The following SPTBN5 variants were observed in gnomAD, a reference collection of about 807,000 sequenced individuals.
The protein encoded by SPTBN5 is spectrin beta, non-erythrocytic 5.
In SPTBN5, 513 loss-of-function variants were observed where a neutral mutation model predicts 477.6. The ratio of observed to expected loss-of-function variants is 1.07; its 90% CI spans 1.00 to 1.16. SPTBN5 has a LOEUF of 1.16. Ranked by LOEUF, SPTBN5 falls within the 50% of genes most tolerant of loss-of-function variation. The pLI, the probability that SPTBN5 is intolerant of heterozygous loss-of-function variation, is 0.00. For missense variants in SPTBN5, 5,062 were observed against 4,731.8 expected (o/e 1.07, Z -2.05); for synonymous variants, 2,169 against 2,011.7 (o/e 1.08, Z -2.09).
In SPTBN5 at chr15:41,870,871, C is replaced by A. The variant is rs111832578; in HGVS notation, c.5448-311G>T. On this transcript the variant is annotated intron_variant, in intron 29 of 67. Coordinates refer to ENST00000320955, the MANE Select transcript of SPTBN5 (RefSeq NM_016642.4). ...GCGTCACCCAGGTTATGATCACAGA[C>A]GCTTTGTGGGCAGAGGCCACATCTC... 1.8e-3 allele frequency among the ~76,000 whole-genome samples: 276 copies of A among 152,368 alleles called. 1 individual carries two copies. The highest frequency in any genetic ancestry group is 6.3e-3 in the African/African-American group (262 of 41,596).
chr15:41,874,658 C>T (rs1296804028), intron 23 of SPTBN5, among the ~76,000 whole-genome samples, 180 bp from the exon 24 acceptor site: 2 of 152,210 alleles, frequency 1.3e-5, no homozygotes, highest in Admixed American at 6.5e-5. Flanking sequence ...CTAGATGACT[C>T]GCGTGACTGC....
intron 23 of SPTBN5, 26 bp downstream of exon 23, chr15:41,874,816 C>A (rs1425541127): frequency 3.8e-6 from 6 of 1,586,644 alleles, no homozygotes; most frequent in Non-Finnish European, 5.2e-6. Flanking sequence ...GAGTGACACA[C>A]AGGTGGGTGG....
At chr15:41,879,062 C>T (rs551227290) in intron 16 of SPTBN5, among the ~76,000 whole-genome samples, 198 bp downstream of exon 16, 2 of 152,132 alleles carry the variant, frequency 1.3e-5, no homozygotes, top group African/African-American at 4.8e-5. Context: ...AAGACTCCGT[C>T]TCAAAAAGAA....
Position 41,858,921 on chromosome 15 carries a change from T to G in SPTBN5, c.8048A>C (p.Gln2683Pro). ...TRRHRLEELR[Q>P]LQAFLQDSQE... ...GGAGTCCTGCAGGAAGGCCTGCAGC[T>G]GCCGGAGCTCCTCCAGGCGATGGCG... Residue 2683 changes from glutamine to proline, a missense_variant, in exon 48 of 68, where the codon CAG (glutamine) becomes CCG (proline). Coordinates refer to ENST00000320955, the MANE Select transcript of SPTBN5 (RefSeq NM_016642.4). 1 of 1,595,136 alleles carries G rather than the reference T, an allele frequency of 6.3e-7. No homozygotes were observed. Among genetic ancestry groups the G allele is most frequent in the South Asian group, 1.1e-5 (1 of 89,390 alleles).
intron 67 of SPTBN5, among the ~76,000 whole-genome samples, chr15:41,849,404 C>G (rs1406286076): frequency 6.6e-6 from 1 of 152,148 alleles, no homozygotes; most frequent in East Asian, 1.9e-4. Context: ...AGGGGAGGAC[C>G]AGGTAGAGAA....
intron 34 of SPTBN5, 38 bp from the exon 35 acceptor site, chr15:41,867,680 C>T (rs752801298): frequency 7.6e-6 from 12 of 1,583,666 alleles, no homozygotes; most frequent in South Asian, 3.3e-5. Context: ...CCAAGCCTTC[C>T]AGCCAGCCAG....
rs1251940629 is a variant in SPTBN5 at position 41,858,658 on chromosome 15, G to A, written c.8170C>T (p.Gln2724Ter). ...GCGTCCAGCTCCGCCTGGAAATTCT[G>A]CTGCTTCTGTAACTGTGCTGGCAGC... ...AMLPAQLQKQ[Q>*]NFQAELDASM... Residue 2724 changes from glutamine (Q) to a stop codon, truncating the protein, a stop_gained, in exon 49 of 68, where the codon CAG becomes TAG. Transcript: ENST00000320955. LOFTEE classifies it high-confidence loss of function. 6.2e-7 allele frequency: 1 copy of A among 1,611,490 alleles called. No individual in the cohort carries two copies. The highest frequency in any genetic ancestry group is 8.5e-7 in the Non-Finnish European group (1 of 1,179,434).
intron 11 of SPTBN5, 44 bp downstream of exon 11, chr15:41,882,224 CT>C: frequency 4.7e-6 from 6 of 1,285,996 alleles, no homozygotes; most frequent in Middle Eastern, 2.8e-4. Flanking sequence ...CCACCCCCGC[CT>C]CGCCGGGCCC....
At chr15:41,860,850 G>A in intron 46 of SPTBN5, 92 bp from the exon 47 acceptor site, 1 of 1,267,714 alleles carries the variant, frequency 7.9e-7, no homozygotes, top group Non-Finnish European at 1.0e-6. Flanking sequence ...CCTACCAAAT[G>A]CTCATCCACA....
chr15:41,854,028 G>A (rs538028936), intron 57 of SPTBN5, 22 bp downstream of exon 57: 24 of 1,542,742 alleles, frequency 1.6e-5, no homozygotes, highest in Non-Finnish European at 2.0e-5. Context: ...CAGACAGGCA[G>A]GCTGCAGGGC....
At chr15:41,853,994 A>T (rs746866341) in intron 57 of SPTBN5, 56 bp downstream of exon 57, 8 of 1,512,980 alleles carry the variant, frequency 5.3e-6, no homozygotes, top group South Asian at 4.9e-5. Context: ...AGGTCCCCTC[A>T]GCCACCGCCT....
At position 41,852,304 on chromosome 15, in the gene SPTBN5, G is replaced by A; in HGVS notation, c.10462C>T (p.Leu3488Phe). 6.3e-7 allele frequency: 1 copy of A among 1,590,050 alleles called. No homozygotes were observed. Among genetic ancestry groups the A allele is most frequent in the Non-Finnish European group, 8.6e-7 (1 of 1,167,938 alleles). ...TTCAGCTCCTGTGGCTGCAGCAGGA[G>A]CTCCTGTTCCATCTTGGGGAGTGGG... Reference protein sequence around the residue: ...QMQKTEMEQELLLQPQELKPG... With the variant: ...QMQKTEMEQEFLLQPQELKPG... Residue 3488 changes from leucine to phenylalanine, a missense_variant, in exon 62 of 68, where the codon CTC becomes TTC. Coordinates refer to ENST00000320955, the MANE Select transcript of SPTBN5 (RefSeq NM_016642.4).
chr15:41,848,916 C>T (rs1197667), intron 67 of SPTBN5, among the ~76,000 whole-genome samples: 45,068 of 152,130 alleles, frequency 0.3, 7,109 homozygotes, highest in Middle Eastern at 0.47. Flanking sequence ...CTGGTAGCCT[C>T]AGGAGCCACT....
At chr15:41,867,200 C>A in intron 35 of SPTBN5, 74 bp from the exon 36 acceptor site, 1 of 1,439,774 alleles carries the variant, frequency 6.9e-7, no homozygotes, top group Non-Finnish European at 9.1e-7. Context: ...GGCTCACAGT[C>A]CTTTCTTTGA....
In SPTBN5 at chr15:41,874,003, G is replaced by A. The variant is rs200872772; in HGVS notation, c.4732C>T (p.Arg1578Trp). 304 of 1,602,672 alleles carry A rather than the reference G, an allele frequency of 1.9e-4. No individual in the cohort carries two copies. Among genetic ancestry groups the A allele is most frequent in the Admixed American group, 4.8e-4 (29 of 59,856 alleles). The change falls in exon 25 of 68, where the codon CGG becomes TGG. Residue 1578 changes from arginine to tryptophan, a missense_variant. Physicochemically the swap from Arg to Trp is moderately radical, Grantham distance 101 (BLOSUM62 -3). Transcript: ENST00000320955. ...AGGCTCCGCCCAGAACTCAGCACCCGTTGCACCTGCCCCTGGTGAGCTTTT... is the reference window on the plus strand; with the variant it reads ...AGGCTCCGCCCAGAACTCAGCACCCATTGCACCTGCCCCTGGTGAGCTTTT... The part of the protein sequence containing the change: ...EVKAHQGQVQ[R>W]VLSSGRSLAA...
Position 41,856,582 on chromosome 15 carries a change from A to G in SPTBN5, c.8825T>C (p.Met2942Thr). ...QEQHQNLESE[M>T]SSHEALTRVV... is the part of the protein sequence containing the mutation. ...CCGGGTCAGAGCCTCGTGGCTGCTCATCTCACTCTCCAGGTTCTGCGGGGG... is the reference window on the plus strand; with the variant it reads ...CCGGGTCAGAGCCTCGTGGCTGCTCGTCTCACTCTCCAGGTTCTGCGGGGG... Residue 2942 changes from methionine to threonine, a missense_variant, in exon 53 of 68, where the codon ATG becomes ACG. Met to Thr is a moderately conservative substitution (Grantham distance 81). Transcript: ENST00000320955. The G allele has an allele frequency of 1.9e-6, 3 of 1,590,768 alleles. No individual in the cohort carries two copies. The highest frequency in any genetic ancestry group is 2.6e-6 in the Non-Finnish European group (3 of 1,173,780).
At position 41,892,942 on chromosome 15, in the gene SPTBN5, C is replaced by T. The variant is rs376699328; in HGVS notation, c.336G>A (p.Val112=). The change falls in exon 3 of 68, where the codon GTG becomes GTA. Residue 112 remains valine, a synonymous_variant. Coordinates refer to ENST00000320955, the MANE Select transcript of SPTBN5 (RefSeq NM_016642.4). ...CTCGGCTGCTGTTCTCCAGGAAGTG[C>T]ACACGCAGGCGGCCCCGGCTCGGGG... ...LPPPSRGRLR[V]HFLENSSRAL... is the part of the protein sequence containing the mutation. 3.8e-4 allele frequency: 618 copies of T among 1,608,204 alleles called. 2 individuals are homozygous for T. Among genetic ancestry groups the T allele is most frequent in the Non-Finnish European group, 4.6e-4 (545 of 1,179,656 alleles).
At chr15:41,869,060 C>T (rs910476825) in intron 32 of SPTBN5, among the ~76,000 whole-genome samples, 3 of 152,214 alleles carry the variant, frequency 2.0e-5, no homozygotes, top group Non-Finnish European at 4.4e-5. Flanking sequence ...ACTAATTTAA[C>T]CCTTACAGTC....
intron 22 of SPTBN5, 66 bp from the exon 23 acceptor site, chr15:41,875,122 C>T: frequency 6.9e-7 from 1 of 1,448,008 alleles, no homozygotes. Flanking sequence ...CCTTCCCGGG[C>T]TCTGGGACTG....
Sources: gnomAD v4.1 joint callset for allele counts (sites outside exome capture counted in the v4.1 genomes callset) on GRCh38, gnomAD v4.1.1 for gene constraint, MANE v1.5 for transcripts, NCBI Gene and HGNC (gene_info 2026-07-23, HGNC 2026-07-21) for gene names.